FIRRM: variants seen among roughly 807,000 people sequenced by gnomAD.
The protein encoded by FIRRM is FIGNL1 interacting regulator of recombination and mitosis.
chr1:169,842,030 A>G, the FIRRM span, among the ~76,000 whole-genome samples: 34 of 151,708 alleles, frequency 2.2e-4, no homozygotes, highest in Non-Finnish European at 3.8e-4. Flanking sequence ...TACAAAAATT[A>G]GCTCGTGTGG....
the FIRRM span, among the ~76,000 whole-genome samples, chr1:169,821,431 C>T: frequency 6.6e-5 from 10 of 152,140 alleles, no homozygotes; most frequent in South Asian, 2.1e-3. Flanking sequence ...CTTTTGCTAT[C>T]GTAGGTTAAG....
At chr1:169,846,795 C>T in the FIRRM span, among the ~76,000 whole-genome samples, 2 of 152,132 alleles carry the variant, frequency 1.3e-5, no homozygotes, top group Non-Finnish European at 2.9e-5. Context: ...TAAGACTTTC[C>T]GTGTTCATTG....
chr1:169,810,116 G>A, the FIRRM span, among the ~76,000 whole-genome samples: 26 of 152,180 alleles, frequency 1.7e-4, no homozygotes, highest in East Asian at 4.5e-3. Flanking sequence ...TTTTATAAGG[G>A]CACTTATGTC....
chr1:169,802,767 A>G, the FIRRM span: 4 of 1,223,986 alleles, frequency 3.3e-6, no homozygotes, highest in Non-Finnish European at 4.8e-6. Flanking sequence ...GAGGGAGCTT[A>G]AAGAATGTCA....
the FIRRM span, chr1:169,850,504 T>C: frequency 1.8e-6 from 1 of 566,598 alleles, no homozygotes; most frequent in South Asian, 2.3e-5. Context: ...GCCACAGAAG[T>C]AAAACACTTG....
At chr1:169,792,217 A>G in the FIRRM span, among the ~76,000 whole-genome samples, 2 of 152,248 alleles carry the variant, frequency 1.3e-5, no homozygotes, top group Non-Finnish European at 2.9e-5. Flanking sequence ...ATTAATGTGA[A>G]CAAGGAACTA....
the FIRRM span, chr1:169,832,478 T>G: frequency 6.2e-7 from 1 of 1,613,700 alleles, no homozygotes; most frequent in East Asian, 2.2e-5. Context: ...TTGAAGCGTC[T>G]CTTTTTCTTC....
At chr1:169,800,638 G>C in the FIRRM span, among the ~76,000 whole-genome samples, 1 of 151,116 alleles carries the variant, frequency 6.6e-6, no homozygotes, top group Non-Finnish European at 1.5e-5. Flanking sequence ...AATGATGGCA[G>C]ATCCTATTCA....
the FIRRM span, among the ~76,000 whole-genome samples, chr1:169,842,067 T>C: frequency 6.6e-6 from 1 of 151,626 alleles, no homozygotes; most frequent in African/African-American, 2.4e-5. Context: ...TCCCAGCTTC[T>C]CGGGAGGTTG....
At chr1:169,792,778 G>C in the FIRRM span, 2 of 1,612,862 alleles carry the variant, frequency 1.2e-6, no homozygotes, top group Non-Finnish European at 1.7e-6. Context: ...GGAAAGTCTG[G>C]TGCAAATTAC....
the FIRRM span, among the ~76,000 whole-genome samples, chr1:169,836,053 A>ATTTT: frequency 7.0e-6 from 1 of 142,080 alleles, no homozygotes. Context: ...GTCAGATTTA[A>ATTTT]TTTTTTTTTT....
chr1:169,806,221 TAATC>T, the FIRRM span: 1 of 600,042 alleles, frequency 1.7e-6, no homozygotes, highest in East Asian at 3.0e-5. Context: ...TGCTGTCTGA[TAATC>T]CAGATATTCT....
the FIRRM span, among the ~76,000 whole-genome samples, chr1:169,821,000 CTG>C: frequency 6.6e-6 from 1 of 152,188 alleles, no homozygotes; most frequent in Non-Finnish European, 1.5e-5. Context: ...TTTCTATAGA[CTG>C]TATTTCCAGA....
the FIRRM span, among the ~76,000 whole-genome samples, chr1:169,797,518 T>G: frequency 6.6e-6 from 1 of 152,248 alleles, no homozygotes; most frequent in South Asian, 2.1e-4. Context: ...GAGGAATGAA[T>G]TCTTGTATTA....
chr1:169,851,179 G>C, the FIRRM span: 4 of 151,472 alleles, frequency 2.6e-5, no homozygotes, highest in Non-Finnish European at 5.9e-5. Context: ...GGAACTTAGT[G>C]TGAGGAAATA....
the FIRRM span, among the ~76,000 whole-genome samples, chr1:169,835,774 T>G: frequency 6.6e-6 from 1 of 152,188 alleles, no homozygotes; most frequent in Non-Finnish European, 1.5e-5. Flanking sequence ...TTCACTTACT[T>G]ACTGGACTTT....
chr1:169,822,192 C>T, the FIRRM span, among the ~76,000 whole-genome samples: 333 of 152,294 alleles, frequency 2.2e-3, 9 homozygotes, highest in East Asian at 0.037. Flanking sequence ...AATACAAACC[C>T]TGCAAGCTGC....
the FIRRM span, among the ~76,000 whole-genome samples, chr1:169,817,736 A>G: frequency 6.6e-6 from 1 of 152,314 alleles, no homozygotes; most frequent in Admixed American, 6.5e-5. Flanking sequence ...AAATCTATCT[A>G]ATTTTAATCA....
the FIRRM span, among the ~76,000 whole-genome samples, chr1:169,817,149 TGTTA>T: frequency 1.3e-5 from 2 of 152,192 alleles, no homozygotes; most frequent in African/African-American, 4.8e-5. Flanking sequence ...TTCAGTCTTC[TGTTA>T]GTTCAGTCCA....
Sources: gnomAD v4.1 joint callset for allele counts (sites outside exome capture counted in the v4.1 genomes callset) on GRCh38, gnomAD v4.1.1 for gene constraint, MANE v1.5 for transcripts, NCBI Gene and HGNC (gene_info 2026-07-23, HGNC 2026-07-21) for gene names.